Variants in KAZN observed in about 807,000 individuals in gnomAD.
KAZN encodes the protein kazrin.
KAZN carries 40 observed loss-of-function variants against 87.4 expected under a neutral mutation model. The observed-to-expected ratio is 0.46, with a 90% CI of 0.36 to 0.60. The LOEUF (loss-of-function observed/expected upper bound fraction) is 0.60. KAZN is among the 20% of genes least tolerant of loss of function. KAZN has a pLI of 0.00. For missense variants in KAZN, 898 were observed against 1,073.9 expected, an observed-to-expected ratio of 0.84 and a Z score of 2.29; for synonymous variants, 466 against 458.3, an observed-to-expected ratio of 1.02 and a Z score of -0.22.
chr1:14,782,554 CAAAAAA>C (rs71572122), intron 1 of KAZN, among the ~76,000 whole-genome samples: 2,610 of 66,342 alleles, frequency 0.039, 99 homozygotes, highest in African/African-American at 0.14. Context: ...CCTCAAAGAG[CAAAAAA>C]AAAAAAAAAA....
chr1:14,813,790 A>G (rs1356243636), intron 1 of KAZN, among the ~76,000 whole-genome samples: 1 of 152,212 alleles, frequency 6.6e-6, no homozygotes, highest in East Asian at 1.9e-4. Flanking sequence ...GCAGCCATGG[A>G]TACATGGAAT....
At chr1:14,434,739 G>T (rs990964937) in intron 2 of KAZN, among the ~76,000 whole-genome samples, 3 of 152,034 alleles carry the variant, frequency 2.0e-5, no homozygotes, top group Admixed American at 6.5e-5. Flanking sequence ...AGGAACATGT[G>T]CTGGGACCCC....
intron 2 of KAZN, among the ~76,000 whole-genome samples, chr1:14,314,622 ACAT>A (rs1224608135): frequency 1.2e-4 from 18 of 152,224 alleles, no homozygotes; most frequent in African/African-American, 4.1e-4. Context: ...TAATGACATG[ACAT>A]CATTCTTTCA....
chr1:14,657,148 T>A (rs181712080), intron 1 of KAZN, among the ~76,000 whole-genome samples: 2 of 137,200 alleles, frequency 1.5e-5, no homozygotes, highest in Non-Finnish European at 3.1e-5. Context: ...AATGGTGCAA[T>A]CTCGGCTCAC....
At position 15,096,985 on chromosome 1, in the gene KAZN, C is replaced by T. The variant is rs72640706; in HGVS notation, c.1547+2052C>T. ...TGGTCCCAGGGATCGTGGAGCCCCACCCTTAGACACCCCCAGGGCTTCCTG... is the reference window on the plus strand; with the variant it reads ...TGGTCCCAGGGATCGTGGAGCCCCATCCTTAGACACCCCCAGGGCTTCCTG... On this transcript the variant is annotated intron_variant, in intron 10 of 14. Coordinates refer to ENST00000376030, the MANE Select transcript of KAZN (RefSeq NM_201628.3). This position sits in a 1 kb window ranked among gnomAD's most constrained non-coding sequence, Gnocchi z 4.5. Among the ~76,000 whole-genome samples the T allele has an allele frequency of 0.48, 73,269 of 151,722 alleles. 18,675 individuals carry two copies. Among genetic ancestry groups the T allele is most frequent in the Non-Finnish European group, 0.57 (38,436 of 67,854 alleles).
chr1:14,649,078 T>C (rs1445035377), intron 1 of KAZN, among the ~76,000 whole-genome samples: 2 of 152,248 alleles, frequency 1.3e-5, no homozygotes, highest in Non-Finnish European at 2.9e-5. Flanking sequence ...CCACTGGATC[T>C]CAGCATGGAA....
intron 1 of KAZN, among the ~76,000 whole-genome samples, chr1:14,893,128 G>C (rs1044240884): frequency 2.0e-5 from 3 of 152,208 alleles, no homozygotes; most frequent in African/African-American, 7.2e-5. Context: ...AGCACTTTGG[G>C]AGGCCGAGGC....
intron 1 of KAZN, among the ~76,000 whole-genome samples, chr1:14,916,528 T>C (rs1657836934): frequency 6.6e-6 from 1 of 152,180 alleles, no homozygotes; most frequent in Non-Finnish European, 1.5e-5. Flanking sequence ...CTGCAGAAAC[T>C]TTCCTACTTG....
chr1:14,511,015 T>C lies in KAZN; in HGVS notation c.250-87968T>C, dbSNP rs76905377. 8.7e-3 allele frequency among the ~76,000 whole-genome samples: 1,318 copies of C among 152,206 alleles called. 17 individuals carry two copies. The highest frequency in any genetic ancestry group is 0.028 in the African/African-American group (1,169 of 41,514). ...GATACATGATTAATCTTGGTGGCCA[T>C]TGGTGATCCTCCTCAATTCTGTAAC... On this transcript the variant is annotated intron_variant, in intron 2 of 16. Transcript: ENST00000636203.
intron 1 of KAZN, among the ~76,000 whole-genome samples, chr1:14,649,121 C>T (rs898606853): frequency 2.6e-5 from 4 of 152,202 alleles, no homozygotes; most frequent in African/African-American, 9.6e-5. Flanking sequence ...CTGGTGCAGG[C>T]ACCACATTAA....
intron 1 of KAZN, among the ~76,000 whole-genome samples, chr1:13,966,573 G>T (rs141861636): frequency 9.3e-4 from 142 of 152,258 alleles, no homozygotes; most frequent in African/African-American, 3.1e-3. Context: ...GCTGGTGAGT[G>T]GTGACGCCAG....
intron 2 of KAZN, among the ~76,000 whole-genome samples, chr1:14,309,226 T>A (rs182446639): frequency 6.6e-6 from 1 of 152,198 alleles, no homozygotes; most frequent in Non-Finnish European, 1.5e-5. Context: ...TTAAAAAAAA[T>A]TGATGGTTAG....
At chr1:14,791,701 G>C (rs1486653987) in intron 1 of KAZN, among the ~76,000 whole-genome samples, 1 of 152,250 alleles carries the variant, frequency 6.6e-6, no homozygotes, top group Non-Finnish European at 1.5e-5. Flanking sequence ...TGGAGATGAT[G>C]ATGGAGCTGG....
chr1:14,527,356 C>A (rs1055768742), intron 2 of KAZN, among the ~76,000 whole-genome samples: 15 of 152,126 alleles, frequency 9.9e-5, no homozygotes, highest in African/African-American at 3.6e-4. Flanking sequence ...CGAGACCAGC[C>A]TGGCCAACAT....
At chr1:15,005,503 G>A (rs946958173) in intron 2 of KAZN, among the ~76,000 whole-genome samples, 3 of 152,122 alleles carry the variant, frequency 2.0e-5, no homozygotes, top group African/African-American at 7.2e-5. Flanking sequence ...AACCTAAAGG[G>A]GGCCGGGTGC....
chr1:14,093,965 T>C (rs958022000), intron 1 of KAZN, among the ~76,000 whole-genome samples: 1 of 152,182 alleles, frequency 6.6e-6, no homozygotes, highest in African/African-American at 2.4e-5. Context: ...TTCCCAGGTA[T>C]GGGGTAGGAC....
chr1:14,488,436 C>T (rs1337924799), intron 2 of KAZN, among the ~76,000 whole-genome samples: 1 of 152,142 alleles, frequency 6.6e-6, no homozygotes, highest in Admixed American at 6.5e-5. Flanking sequence ...GGTGAAATTG[C>T]TTGGACTGAA....
At chr1:14,353,499 G>A (rs182781903) in intron 2 of KAZN, among the ~76,000 whole-genome samples, 13 of 152,222 alleles carry the variant, frequency 8.5e-5, no homozygotes, top group African/African-American at 2.6e-4. Context: ...GATTACAGGC[G>A]TGAGCCACCG....
At chr1:14,749,229 C>G (rs575068532) in intron 1 of KAZN, among the ~76,000 whole-genome samples, 45 of 152,330 alleles carry the variant, frequency 3.0e-4, no homozygotes, top group African/African-American at 1.1e-3. Context: ...GTGCTATGGG[C>G]AGCAACTAGC....
Sources: gnomAD v4.1 joint callset for allele counts (sites outside exome capture counted in the v4.1 genomes callset) on GRCh38, gnomAD v4.1.1 for gene constraint, Gnocchi (gnomAD v3.1) non-coding constraint, MANE v1.5 for transcripts, NCBI Gene and HGNC (gene_info 2026-07-23, HGNC 2026-07-21) for gene names.